Variants in VAV1 observed in about 807,000 individuals in gnomAD.
VAV1 encodes vav guanine nucleotide exchange factor 1.
In VAV1, 33 loss-of-function variants were observed where a neutral mutation model predicts 128.1. The observed-to-expected ratio is 0.26, with a 90% CI of 0.20 to 0.34. VAV1 has a LOEUF of 0.34. VAV1 is among the 10% of genes least tolerant of loss of function. VAV1 has a pLI of 1.00. For synonymous variants in VAV1, 394 were observed against 409.8 expected, an observed-to-expected ratio of 0.96 and a Z score of 0.47; for missense variants, 715 against 1,093.7, an observed-to-expected ratio of 0.65 and a Z score of 4.88.
intron 1 of VAV1, among the ~76,000 whole-genome samples, chr19:6,808,885 A>G (rs1446929061): frequency 6.6e-6 from 1 of 152,160 alleles, no homozygotes; most frequent in African/African-American, 2.4e-5. Context: ...GTTGATTAGT[A>G]TAGGATACCT....
Position 6,822,563 on chromosome 19 carries a change from G to T in VAV1, c.654+49G>T. 6.6e-7 allele frequency: 1 copy of T among 1,513,072 alleles called. No individual in the cohort carries two copies. 93.7% of individuals were successfully genotyped at this position (1,513,072 alleles called of 1,614,324 possible). A position where few individuals can be genotyped will look rare whatever the true frequency, so the allele number is the denominator to read the frequency against. On this transcript the variant is annotated intron_variant, in intron 6 of 26. Transcript: ENST00000602142. This position sits in a 1 kb window ranked among gnomAD's most constrained non-coding sequence, Gnocchi z 5.9. ...TGCCGGGCGCATGCGCGGGAGCTGG[G>T]CCGGCAGGTGCACGTCCACCTGTCC... is the stretch of plus-strand genomic sequence containing the variant.
In VAV1 at chr19:6,820,638, T is replaced by G; in HGVS notation, c.205-64T>G. The stretch of plus-strand genomic sequence containing the variant: ...ACACCAGTCCCCAAGCTAGGTGGCC[T>G]GGGGGTCAGTTTCTCCCCTGCCCTT... On this transcript the variant is annotated intron_variant, in intron 1 of 26. Transcript: ENST00000602142. This position sits in a 1 kb window ranked among gnomAD's most constrained non-coding sequence, Gnocchi z 4.4. The G allele has an allele frequency of 7.2e-7, 1 of 1,398,408 alleles. No individual in the cohort carries two copies. The highest frequency in any genetic ancestry group is 1.0e-6 in the Non-Finnish European group (1 of 985,858). 86.6% of individuals were successfully genotyped at this position (1,398,408 alleles called of 1,614,324 possible). A position where few individuals can be genotyped will look rare whatever the true frequency, so the allele number is the denominator to read the frequency against.
chr19:6,841,478 C>CTTTTTTTTT (rs35484934), intron 21 of VAV1, among the ~76,000 whole-genome samples: 1 of 135,628 alleles, frequency 7.4e-6, no homozygotes, highest in Non-Finnish European at 1.6e-5. Context: ...TTTTTCTTTT[C>CTTTTTTTTT]TTTTTTTTTT....
At chr19:6,805,501 G>C (rs12981913) in intron 1 of VAV1, among the ~76,000 whole-genome samples, 2 of 151,466 alleles carry the variant, frequency 1.3e-5, no homozygotes, top group African/African-American at 4.9e-5. Context: ...CAGGACCTTA[G>C]GAGGCTGAGG....
At chr19:6,831,993 T>C (rs764064348) in intron 14 of VAV1, 98 bp from the exon 15 acceptor site, 17 of 894,702 alleles carry the variant, frequency 1.9e-5, no homozygotes, top group Admixed American at 6.9e-5. Flanking sequence ...GAGACTGTCA[T>C]GGGCTTGCCT....
chr19:6,778,972 A>G (rs113841790), intron 1 of VAV1, among the ~76,000 whole-genome samples: 1,610 of 134,026 alleles, frequency 0.012, 8 homozygotes, highest in African/African-American at 0.045. Context: ...GAACTCCTGT[A>G]CTCAAGCAGT....
intron 19 of VAV1, 90 bp downstream of exon 19, chr19:6,834,043 A>C (rs111252160): frequency 2.5e-6 from 4 of 1,582,148 alleles, no homozygotes. Flanking sequence ...AATCATATTA[A>C]CAGCCACATT....
intron 18 of VAV1, 44 bp from the exon 19 acceptor site, chr19:6,833,864 A>C: frequency 6.2e-7 from 1 of 1,614,132 alleles, no homozygotes; most frequent in Non-Finnish European, 8.5e-7. Context: ...ACAAGCCCCC[A>C]GGCTGGGCAT....
At chr19:6,833,415 G>C (rs577469477) in intron 16 of VAV1, 113 bp from the exon 17 acceptor site, 1 of 1,376,956 alleles carries the variant, frequency 7.3e-7, no homozygotes, top group Admixed American at 2.2e-5. Context: ...CTGCTTCTCC[G>C]TCACTCTCCT....
chr19:6,819,824 G>A (rs139408792), intron 1 of VAV1, among the ~76,000 whole-genome samples: 22 of 152,256 alleles, frequency 1.4e-4, no homozygotes, highest in South Asian at 4.1e-4. Flanking sequence ...CTGTTGGGAC[G>A]TTGGATGAGC....
At chr19:6,840,902 C>G (rs190370725) in intron 21 of VAV1, among the ~76,000 whole-genome samples, 1 of 151,928 alleles carries the variant, frequency 6.6e-6, no homozygotes, top group Non-Finnish European at 1.5e-5. Context: ...ACTTCAGCCT[C>G]GAGTAGCTGG....
intron 1 of VAV1, among the ~76,000 whole-genome samples, chr19:6,800,722 A>G (rs1379125732): frequency 6.6e-6 from 1 of 151,998 alleles, no homozygotes; most frequent in Non-Finnish European, 1.5e-5. Flanking sequence ...CCTGGGTTCA[A>G]GCGATTCTCC....
chr19:6,778,862 A>AC (rs1481262681), intron 1 of VAV1, among the ~76,000 whole-genome samples: 1 of 146,620 alleles, frequency 6.8e-6, no homozygotes, highest in Non-Finnish European at 1.5e-5. Flanking sequence ...ACATAGTGAG[A>AC]CCCCGTCTCT....
At chr19:6,825,233 A>C (rs1971889072) in intron 7 of VAV1, 70 bp from the exon 8 acceptor site, 1 of 1,579,340 alleles carries the variant, frequency 6.3e-7, no homozygotes, top group African/African-American at 1.3e-5. Flanking sequence ...GGGCGGGTGG[A>C]TGACCCTTTC....
rs951835960 is a variant in VAV1 at position 6,777,050 on chromosome 19, G to A, written c.204+4039G>A. On this transcript the variant is annotated intron_variant, in intron 1 of 26. Coordinates refer to ENST00000602142, the MANE Select transcript of VAV1 (RefSeq NM_005428.4). The surrounding 1 kb of genome is among the most constrained non-coding windows in gnomAD (Gnocchi z 4.4). ...GATTACAGGTGTGAGCCATACGCCCGGCCCATCCATTCATCTATCTATCAT... is the reference window on the plus strand; with the variant it reads ...GATTACAGGTGTGAGCCATACGCCCAGCCCATCCATTCATCTATCTATCAT... Among the ~76,000 whole-genome samples, 2 of 150,082 alleles carry A rather than the reference G, an allele frequency of 1.3e-5. No individual in the cohort carries two copies. Among genetic ancestry groups the A allele is most frequent in the African/African-American group, 2.5e-5 (1 of 40,814 alleles).
At chr19:6,852,834 A>G in intron 24 of VAV1, 131 bp from the exon 25 acceptor site, 2 of 631,512 alleles carry the variant, frequency 3.2e-6, no homozygotes, top group Non-Finnish European at 5.6e-6. Context: ...GGAGTATTCA[A>G]GGGGTCACTT....
chr19:6,826,786 G>C lies in VAV1; in HGVS notation c.927+75G>C, dbSNP rs1971929340. On this transcript the variant is annotated intron_variant, in intron 9 of 26. Transcript: ENST00000602142. This position sits in a 1 kb window ranked among gnomAD's most constrained non-coding sequence, Gnocchi z 4.1. ...CTGGGGGCAGCAGGGAGGACACTGAGTTGCAGATGGTCCACTTTCTGCTGC... is the reference window on the plus strand; with the variant it reads ...CTGGGGGCAGCAGGGAGGACACTGACTTGCAGATGGTCCACTTTCTGCTGC... 1 of 1,180,370 alleles carries C rather than the reference G, an allele frequency of 8.5e-7. No individual in the cohort carries two copies. 73.1% of individuals were successfully genotyped at this position (1,180,370 alleles called of 1,614,324 possible). A position where few individuals can be genotyped will look rare whatever the true frequency, so the allele number is the denominator to read the frequency against.
chr19:6,784,187 G>C (rs1271053604), intron 1 of VAV1: 2 of 612,278 alleles, frequency 3.3e-6, no homozygotes, highest in South Asian at 3.9e-5. Context: ...CCAGGAGTTT[G>C]ATGCTGCAGT....
At chr19:6,837,134 C>T (rs1972243257) in intron 21 of VAV1, 84 bp downstream of exon 21, 1 of 1,445,720 alleles carries the variant, frequency 6.9e-7, no homozygotes. Flanking sequence ...AAAGACACCC[C>T]CGGAGTTGGG....
Sources: gnomAD v4.1 joint callset for allele counts (sites outside exome capture counted in the v4.1 genomes callset) on GRCh38, gnomAD v4.1.1 for gene constraint, Gnocchi (gnomAD v3.1) non-coding constraint, MANE v1.5 for transcripts, NCBI Gene and HGNC (gene_info 2026-07-23, HGNC 2026-07-21) for gene names.